TRPM3: variants seen among roughly 807,000 people sequenced by gnomAD.
TRPM3 encodes long transient receptor potential channel 3.
TRPM3 carries 77 observed loss-of-function variants against 181.2 expected under a neutral mutation model. The ratio of observed to expected loss-of-function variants is 0.42; its 90% CI spans 0.35 to 0.51. The LOEUF is 0.51. Ranked by LOEUF, TRPM3 falls within the 20% of genes least tolerant of loss-of-function variation. The probability of loss-of-function intolerance (pLI) is 0.01; values close to 1 mark genes in which losing one functional copy is unlikely to be tolerated. For synonymous variants in TRPM3, 745 were observed against 796.4 expected, an observed-to-expected ratio of 0.94 and a Z score of 1.09; for missense variants, 1,759 against 2,196.7, an observed-to-expected ratio of 0.80 and a Z score of 3.98.
chr9:71,198,708 T>C (rs1329985056), intron 1 of TRPM3, among the ~76,000 whole-genome samples: 1 of 151,360 alleles, frequency 6.6e-6, no homozygotes, highest in Non-Finnish European at 1.5e-5. Context: ...CTTGTGATTT[T>C]TGTACATTGA....
intron 1 of TRPM3, among the ~76,000 whole-genome samples, chr9:71,035,982 CTTTT>C (rs35101881): frequency 2.0e-5 from 2 of 98,216 alleles, no homozygotes; most frequent in Non-Finnish European, 2.0e-5. Context: ...CAAACATAGG[CTTTT>C]TTTTTTTTTT....
chr9:71,177,536 A>C (rs2077168220), intron 1 of TRPM3, among the ~76,000 whole-genome samples: 1 of 152,126 alleles, frequency 6.6e-6, no homozygotes, highest in South Asian at 2.1e-4. Context: ...CATTTCTCAG[A>C]ATGTATTCTC....
At position 71,142,455 on chromosome 9, in the gene TRPM3, A is replaced by G. The variant is rs571693505; in HGVS notation, c.184-277944T>C. Among the ~76,000 whole-genome samples the G allele has an allele frequency of 2.2e-3, 339 of 152,270 alleles. 1 individual carries two copies. The highest frequency in any genetic ancestry group is 3.7e-3 in the Non-Finnish European group (253 of 68,012). ...ACAATAGAGAGGTTTTGACTTTTTA[A>G]TAAGAGCCATTATTTTTTACATTTT... On this transcript the variant is annotated intron_variant, in intron 1 of 24. Transcript: ENST00000357533.
intron 1 of TRPM3, among the ~76,000 whole-genome samples, chr9:71,168,754 A>G (rs549192204): frequency 8.0e-5 from 12 of 150,920 alleles, no homozygotes; most frequent in African/African-American, 2.4e-5. Flanking sequence ...ATTATTATTT[A>G]TATTTTTAAA....
intron 1 of TRPM3, among the ~76,000 whole-genome samples, chr9:71,061,611 A>G (rs2061343106): frequency 6.6e-6 from 1 of 152,028 alleles, no homozygotes; most frequent in African/African-American, 2.4e-5. Flanking sequence ...GCCAATTTTT[A>G]CTGTAACCAG....
At chr9:70,667,876 C>T (rs888525202) in intron 9 of TRPM3, among the ~76,000 whole-genome samples, 2 of 152,160 alleles carry the variant, frequency 1.3e-5, no homozygotes, top group Non-Finnish European at 2.9e-5. Context: ...TCACATGGCC[C>T]CAACTTCTCT....
At chr9:70,597,614 G>T (rs561567991) in intron 21 of TRPM3, among the ~76,000 whole-genome samples, 1 of 152,232 alleles carries the variant, frequency 6.6e-6, no homozygotes, top group South Asian at 2.1e-4. Flanking sequence ...CAGTCTCTAC[G>T]GAAAAAGTCT....
chr9:71,166,771 AC>A (rs1423080734), intron 1 of TRPM3, among the ~76,000 whole-genome samples: 1 of 152,358 alleles, frequency 6.6e-6, no homozygotes, highest in African/African-American at 2.4e-5. Flanking sequence ...AAACTGAAAT[AC>A]ATTATATCTT....
At chr9:70,861,857 C>G (rs1328563984) in intron 3 of TRPM3, among the ~76,000 whole-genome samples, 9 of 127,384 alleles carry the variant, frequency 7.1e-5, no homozygotes, top group Non-Finnish European at 1.2e-4. Flanking sequence ...ATATACAGTT[C>G]AGAATTATAT....
At chr9:70,653,815 A>G (rs992855375) in intron 9 of TRPM3, among the ~76,000 whole-genome samples, 2 of 152,134 alleles carry the variant, frequency 1.3e-5, no homozygotes, top group African/African-American at 2.4e-5. Flanking sequence ...GAACTCCTGT[A>G]AAGAACTCAG....
At position 70,620,226 on chromosome 9, in the gene TRPM3, C is replaced by T. The variant is rs781566847; in HGVS notation, c.1979G>A (p.Arg660Gln). 3 of 1,614,226 alleles carry T rather than the reference C, an allele frequency of 1.9e-6. No individual in the cohort carries two copies. Among genetic ancestry groups the T allele is most frequent in the South Asian group, 1.1e-5 (1 of 91,076 alleles). ...ELMVWAVLMK[R>Q]QKMALFFWQH... The stretch of plus-strand genomic sequence containing the variant: ...CCAGAAGAACAGGGCCATCTTCTGC[C>T]GCTTCATGAGAACAGCCCACACCAT... Residue 660 changes from arginine (R) to glutamine (Q), a missense_variant, in exon 16 of 26, where the codon CGG becomes CAG. Arg to Gln is a conservative substitution (Grantham distance 43). Transcript: ENST00000677713.
At chr9:71,341,007 A>G (rs1472806394) in intron 1 of TRPM3, among the ~76,000 whole-genome samples, 1 of 152,136 alleles carries the variant, frequency 6.6e-6, no homozygotes, top group Non-Finnish European at 1.5e-5. Context: ...AAAAGCTCCC[A>G]AAGTTGGAAC....
chr9:71,165,886 T>C (rs1434469015), intron 1 of TRPM3, among the ~76,000 whole-genome samples: 2 of 152,160 alleles, frequency 1.3e-5, no homozygotes, highest in East Asian at 3.9e-4. Context: ...GGACAAACTA[T>C]AGAACCTGGT....
intron 1 of TRPM3, among the ~76,000 whole-genome samples, chr9:71,395,336 CG>C (rs1360797495): frequency 6.6e-6 from 1 of 152,090 alleles, no homozygotes; most frequent in Non-Finnish European, 1.5e-5. Context: ...CCTTCCTCAG[CG>C]GAACTGTGGA....
chr9:71,315,911 T>C (rs182364691), intron 1 of TRPM3, among the ~76,000 whole-genome samples: 37 of 152,332 alleles, frequency 2.4e-4, no homozygotes, highest in Admixed American at 2.0e-3. Context: ...ATTTGGTTTA[T>C]AGTTTGGTTG....
At chr9:70,745,632 C>G (rs1218156150) in intron 8 of TRPM3, among the ~76,000 whole-genome samples, 1 of 152,134 alleles carries the variant, frequency 6.6e-6, no homozygotes, top group African/African-American at 2.4e-5. Flanking sequence ...GACTCTATGA[C>G]TTTGAGCCAT....
chr9:71,315,606 A>G (rs1350354415), intron 1 of TRPM3, among the ~76,000 whole-genome samples: 2 of 152,218 alleles, frequency 1.3e-5, no homozygotes, highest in Admixed American at 6.5e-5. Flanking sequence ...CTAGATTCAC[A>G]TGAATATTCA....
intron 1 of TRPM3, among the ~76,000 whole-genome samples, chr9:71,397,106 A>G (rs2093220291): frequency 1.3e-5 from 2 of 152,194 alleles, no homozygotes; most frequent in Non-Finnish European, 2.9e-5. Flanking sequence ...GTACGATAAG[A>G]TATTTCTAAA....
chr9:70,803,424 C>T (rs1350434174), intron 6 of TRPM3, among the ~76,000 whole-genome samples: 2 of 150,682 alleles, frequency 1.3e-5, no homozygotes, highest in Non-Finnish European at 2.9e-5. Flanking sequence ...TGCCTGAGCT[C>T]CGCCCCCCAC....
Sources: gnomAD v4.1 joint callset for allele counts (sites outside exome capture counted in the v4.1 genomes callset) on GRCh38, gnomAD v4.1.1 for gene constraint, MANE v1.5 for transcripts, NCBI Gene and HGNC (gene_info 2026-07-23, HGNC 2026-07-21) for gene names.